The following SWAP70 variants were observed in gnomAD, a reference collection of about 807,000 sequenced individuals.
SWAP70 encodes switch-associated protein 70.
A neutral mutation model predicts 80.2 loss-of-function variants in SWAP70; 34 were observed. The observed-to-expected ratio is 0.42, with a 90% CI of 0.32 to 0.56. The LOEUF (loss-of-function observed/expected upper bound fraction) is 0.56. Among genes scored for constraint, SWAP70 ranks in the 20% least tolerant of loss-of-function variants. The pLI is 0.09. For missense variants in SWAP70, 578 were observed against 690.7 expected (o/e 0.84, Z 1.83); for synonymous variants, 239 against 238.5 (o/e 1.00, Z -0.02).
chr11:9,692,141 A>C (rs1850704330), intron 1 of SWAP70, among the ~76,000 whole-genome samples: 1 of 151,876 alleles, frequency 6.6e-6, no homozygotes, highest in Non-Finnish European at 1.5e-5. Context: ...TCTAGTCAGC[A>C]GGTTAATGTA....
intron 2 of SWAP70, among the ~76,000 whole-genome samples, chr11:9,698,100 G>GTTTTTTT (rs1255294896): frequency 1.2e-4 from 14 of 116,292 alleles, no homozygotes; most frequent in South Asian, 2.6e-4. Flanking sequence ...CATGTTTTTT[G>GTTTTTTT]TTTTTTTTTT....
chr11:9,688,740 A>G (rs1407652256), intron 1 of SWAP70, among the ~76,000 whole-genome samples: 1 of 152,122 alleles, frequency 6.6e-6, no homozygotes, highest in Non-Finnish European at 1.5e-5. Context: ...AATGTGAACA[A>G]TGACTTTGAG....
chr11:9,749,848 C>T lies in SWAP70; in HGVS notation c.1652-16C>T. The T allele has an allele frequency of 6.5e-7, 1 of 1,527,618 alleles. No homozygotes were observed. The highest frequency in any genetic ancestry group is 9.1e-7 in the Non-Finnish European group (1 of 1,101,870). The allele number at this position is 1,527,618 out of a possible 1,614,324, so 94.6% of individuals were successfully genotyped here. A position where few individuals can be genotyped will look rare whatever the true frequency, so the allele number is the denominator to read the frequency against. The stretch of plus-strand genomic sequence containing the variant: ...AATATAATACTTCCTGTATTTAAAG[C>T]ATGTTTGCCTCTTAGGTTCAAAGAA... On this transcript the variant is annotated splice_polypyrimidine_tract_variant and intron_variant, in intron 11 of 11. Transcript: ENST00000318950.
intron 1 of SWAP70, among the ~76,000 whole-genome samples, chr11:9,675,287 CAAAGAAAAAGAAAG>C (rs1227556755): frequency 7.1e-6 from 1 of 140,562 alleles, no homozygotes; most frequent in African/African-American, 2.6e-5. Flanking sequence ...ACCCTGTATC[CAAAGAAAAAGAAAG>C]AAAGAAACAG....
Position 9,692,287 on chromosome 11 carries a change from T to A in SWAP70, c.100-1859T>A, listed in dbSNP as rs183919860. Among the ~76,000 whole-genome samples the A allele has an allele frequency of 3.3e-3, 495 of 151,066 alleles. 1 individual carries two copies. The highest frequency in any genetic ancestry group is 9.0e-3 in the African/African-American group (373 of 41,358). ...CATTTTTGAGTAGGTTAATTTTTTT[T>A]AAAAAAACTTAATACAAAGAAGAGC... On this transcript the variant is annotated intron_variant, in intron 1 of 11. Coordinates refer to ENST00000318950, the MANE Select transcript of SWAP70 (RefSeq NM_015055.4).
At chr11:9,701,478 G>A (rs12805683) in intron 2 of SWAP70, among the ~76,000 whole-genome samples, 33,864 of 151,270 alleles carry the variant, frequency 0.22, 4,898 homozygotes, top group Non-Finnish European at 0.32. Context: ...GGCCCCAAAT[G>A]TTAAATTTTT....
chr11:9,740,447 C>T, intron 9 of SWAP70, 100 bp downstream of exon 9: 1 of 1,241,940 alleles, frequency 8.1e-7, no homozygotes, highest in Non-Finnish European at 1.2e-6. Flanking sequence ...AGAAGTGTCT[C>T]TGCTCTGGCT....
chr11:9,741,510 C>T (rs532658422), intron 9 of SWAP70: 8 of 152,194 alleles, frequency 5.3e-5, no homozygotes, highest in South Asian at 2.1e-4. Flanking sequence ...TCCAGAGTGA[C>T]GTTCTACATG....
intron 1 of SWAP70, among the ~76,000 whole-genome samples, chr11:9,686,344 CTTATTTAT>C (rs139472434): frequency 1.4e-5 from 2 of 143,880 alleles, no homozygotes; most frequent in African/African-American, 2.6e-5. Context: ...CTTTTATTTT[CTTATTTAT>C]TTATTTATTT....
intron 2 of SWAP70, among the ~76,000 whole-genome samples, chr11:9,696,860 A>G (rs1850764548): frequency 6.6e-6 from 1 of 152,148 alleles, no homozygotes; most frequent in Non-Finnish European, 1.5e-5. Context: ...CTCCATAACA[A>G]GTATATTTCA....
intron 1 of SWAP70, among the ~76,000 whole-genome samples, chr11:9,673,446 C>T (rs1315943039): frequency 6.6e-6 from 1 of 152,194 alleles, no homozygotes; most frequent in Non-Finnish European, 1.5e-5. Flanking sequence ...CTTTAAGCCT[C>T]TACATGTTCA....
At chr11:9,690,122 T>C (rs2134443534) in intron 1 of SWAP70, among the ~76,000 whole-genome samples, 1 of 152,274 alleles carries the variant, frequency 6.6e-6, no homozygotes, top group African/African-American at 2.4e-5. Context: ...ATAGCAATAA[T>C]ATCTATTCTC....
At position 9,732,535 on chromosome 11, in the gene SWAP70, A is replaced by C; in HGVS notation, c.905A>C (p.His302Pro). 1 of 1,604,726 alleles carries C rather than the reference A, an allele frequency of 6.2e-7. No homozygotes were observed. The highest frequency in any genetic ancestry group is 1.7e-5 in the Admixed American group (1 of 59,114). The change falls in exon 7 of 12, where the codon CAT becomes CCT. Residue 302 changes from histidine to proline, a missense_variant. Transcript: ENST00000318950. ...CCTCCTACACCTTTTACAGCCATTC[A>C]TTCTACTATTCATCTGTTGAAGCTG... Reference protein sequence around the residue: ...KKKQEWIQAIHSTIHLLKLGS... With the variant: ...KKKQEWIQAIPSTIHLLKLGS...
chr11:9,670,630 CAGAG>C (rs1401431849), intron 1 of SWAP70, among the ~76,000 whole-genome samples: 7 of 151,986 alleles, frequency 4.6e-5, no homozygotes, highest in Admixed American at 4.6e-4. Context: ...ACAAGAAAAG[CAGAG>C]GACCAGAAAT....
chr11:9,718,485 A>G lies in SWAP70; in HGVS notation c.414+4846A>G, dbSNP rs551401936. ...AGCACTGCAAACTCAAGGTTATGCT[A>G]TATTATGAAAAATACATTCTCTGTT... On this transcript the variant is annotated intron_variant, in intron 3 of 11. Transcript: ENST00000318950. Among the ~76,000 whole-genome samples the G allele has an allele frequency of 6.6e-5, 10 of 152,364 alleles. No homozygotes were observed. In the South Asian group the frequency reaches 1.2e-3, roughly 19 times the overall value.
intron 5 of SWAP70, 58 bp downstream of exon 5, chr11:9,728,257 T>C (rs1008153132): frequency 4.1e-6 from 6 of 1,464,766 alleles, no homozygotes; most frequent in Non-Finnish European, 5.4e-6. Flanking sequence ...GATGCTGAAG[T>C]AGCTTCTCAC....
At chr11:9,682,400 T>A (rs924011809) in intron 1 of SWAP70, among the ~76,000 whole-genome samples, 1 of 152,212 alleles carries the variant, frequency 6.6e-6, no homozygotes, top group African/African-American at 2.4e-5. Context: ...AAACCTATTT[T>A]GGGGAGAAAA....
intron 7 of SWAP70, among the ~76,000 whole-genome samples, chr11:9,737,661 G>C (rs949505409): frequency 2.5e-4 from 38 of 152,306 alleles, no homozygotes; most frequent in African/African-American, 8.9e-4. Flanking sequence ...ACTTCGGGAG[G>C]CTGAGGTGGG....
chr11:9,738,716 C>T (rs1026009092), intron 8 of SWAP70, among the ~76,000 whole-genome samples: 2 of 148,880 alleles, frequency 1.3e-5, no homozygotes, highest in African/African-American at 5.0e-5. Flanking sequence ...AAAGAATTAG[C>T]CAGGCCTGTT....
Sources: gnomAD v4.1 joint callset for allele counts (sites outside exome capture counted in the v4.1 genomes callset) on GRCh38, gnomAD v4.1.1 for gene constraint, MANE v1.5 for transcripts, NCBI Gene and HGNC (gene_info 2026-07-23, HGNC 2026-07-21) for gene names.